Variants in SRRT observed in about 807,000 individuals in gnomAD.
The protein encoded by SRRT is serrate, RNA effector molecule, also known as serrate RNA effector molecule homolog.
A neutral mutation model predicts 103.2 loss-of-function variants in SRRT; 32 were observed. That is an observed-to-expected ratio of 0.31 (90% CI 0.23 to 0.42). SRRT has a LOEUF of 0.42. Among genes scored for constraint, SRRT ranks in the 10% least tolerant of loss-of-function variants. The pLI, the probability that SRRT is intolerant of heterozygous loss-of-function variation, is 1.00. For missense variants in SRRT, 986 were observed against 1,207.5 expected, an observed-to-expected ratio of 0.82 and a Z score of 2.72; for synonymous variants, 525 against 449.0, an observed-to-expected ratio of 1.17 and a Z score of -2.14.
chr7:100,880,395 C>T (rs531322242), intron 2 of SRRT, among the ~76,000 whole-genome samples: 2 of 152,102 alleles, frequency 1.3e-5, no homozygotes, highest in African/African-American at 2.4e-5. Context: ...CTCCGCCTCC[C>T]GGGTCCACGC....
intron 13 of SRRT, 91 bp downstream of exon 13, chr7:100,886,526 C>T: frequency 7.4e-7 from 1 of 1,350,338 alleles, no homozygotes; most frequent in East Asian, 2.5e-5. Context: ...AGCCTTGAAC[C>T]CTTGCACCCA....
chr7:100,875,947 ACT>A (rs2115686357), intron 2 of SRRT: 1 of 487,186 alleles, frequency 2.1e-6, no homozygotes, highest in Admixed American at 3.3e-5. Flanking sequence ...ATGAAGAAGC[ACT>A]GTTTATACAT....
chr7:100,876,643 TG>T (rs1348335234), intron 2 of SRRT, among the ~76,000 whole-genome samples: 2 of 152,252 alleles, frequency 1.3e-5, no homozygotes, highest in South Asian at 2.1e-4. Context: ...CATAGGGCGG[TG>T]CTGATTGGAT....
chr7:100,879,018 G>A (rs1407036015), intron 2 of SRRT, among the ~76,000 whole-genome samples: 1 of 151,480 alleles, frequency 6.6e-6, no homozygotes, highest in East Asian at 1.9e-4. Context: ...ATAGTGGCGT[G>A]ATCTGGGCTC....
Position 100,881,333 on chromosome 7 carries a change from C to T in SRRT, c.171C>T (p.Asp57=). 6.2e-7 allele frequency: 1 copy of T among 1,613,756 alleles called. No homozygotes were observed. The highest frequency in any genetic ancestry group is 2.2e-5 in the East Asian group (1 of 44,858). ...GCCGTAGTCGGGGTGAATATCGGGA[C>T]TATGACCGGAATCGGCGAGAGCGCT... is the stretch of plus-strand genomic sequence containing the variant. ...RERRSRGEYR[D]YDRNRRERFS... Residue 57 remains aspartate (D), a synonymous_variant, in exon 3 of 20, where the codon GAC becomes GAT. Coordinates refer to ENST00000611405, the MANE Select transcript of SRRT (RefSeq NM_015908.6).
intron 4 of SRRT, 97 bp downstream of exon 4, chr7:100,881,902 CAG>C: frequency 6.7e-7 from 1 of 1,488,478 alleles, no homozygotes; most frequent in East Asian, 2.3e-5. Context: ...GTCAGGCACA[CAG>C]AGGCATGTCC....
At position 100,881,716 on chromosome 7, in the gene SRRT, G is replaced by A. The variant is rs201842398; in HGVS notation, c.309G>A (p.Gly103=). 6 of 1,614,070 alleles carry A rather than the reference G, an allele frequency of 3.7e-6. No homozygotes were observed. Among genetic ancestry groups the A allele is most frequent in the Middle Eastern group, 1.6e-4 (1 of 6,062 alleles). Residue 103 remains glycine, a synonymous_variant, in exon 4 of 20, where the codon GGG becomes GGA. Transcript: ENST00000611405. ...GCTATGAGATGCCCTATGCTGGGGG[G>A]GGTGGGGGCCCAACTTATGGCCCCC... ...HSGYEMPYAG[G]GGGPTYGPPQ...
intron 2 of SRRT, among the ~76,000 whole-genome samples, chr7:100,877,375 C>T (rs1208655330): frequency 7.9e-6 from 1 of 126,886 alleles, no homozygotes; most frequent in African/African-American, 3.0e-5. Flanking sequence ...GAGCTGAGAT[C>T]ACACCCCTGC....
Position 100,885,416 on chromosome 7 carries a change from G to C in SRRT, c.1317+46G>C. 6.3e-7 allele frequency: 1 copy of C among 1,581,148 alleles called. No homozygotes were observed. The highest frequency in any genetic ancestry group is 8.6e-7 in the Non-Finnish European group (1 of 1,159,122). On this transcript the variant is annotated intron_variant, in intron 10 of 19. Transcript: ENST00000611405. The surrounding 1 kb of genome is among the most constrained non-coding windows in gnomAD (Gnocchi z 4.8). ...TCAGGGCAGGGCTGATGGAGAAGTG[G>C]AGGGTAGAGGGAAGGCAGTGGGGCC...
Position 100,887,661 on chromosome 7 carries a change from C to A in SRRT, c.2170-42C>A. The A allele has an allele frequency of 1.3e-6, 2 of 1,590,904 alleles. No individual in the cohort carries two copies. The highest frequency in any genetic ancestry group is 1.7e-6 in the Non-Finnish European group (2 of 1,163,538). On this transcript the variant is annotated intron_variant, in intron 16 of 19. Transcript: ENST00000611405. The surrounding 1 kb of genome is among the most constrained non-coding windows in gnomAD (Gnocchi z 4.1). ...CAGCTCGGGCCTGGGAGCGAGGCAA[C>A]CCTTATGTGGCTGTCCTGACCCCTC... is the stretch of plus-strand genomic sequence containing the variant.
In SRRT at chr7:100,885,980, A is replaced by G; in HGVS notation, c.1458+39A>G. The G allele has an allele frequency of 6.2e-7, 1 of 1,602,406 alleles. No individual in the cohort carries two copies. The highest frequency in any genetic ancestry group is 8.5e-7 in the Non-Finnish European group (1 of 1,170,328). On this transcript the variant is annotated intron_variant, in intron 12 of 19. Coordinates refer to ENST00000611405, the MANE Select transcript of SRRT (RefSeq NM_015908.6). This position sits in a 1 kb window ranked among gnomAD's most constrained non-coding sequence, Gnocchi z 4.8. ...GTGGGACTGTGGGGAAGAGGAAGGGAGACTCTGTGCCACACGGGACCTCTG... is the reference window on the plus strand; with the variant it reads ...GTGGGACTGTGGGGAAGAGGAAGGGGGACTCTGTGCCACACGGGACCTCTG...
At position 100,882,165 on chromosome 7, in the gene SRRT, C is replaced by T. The variant is rs1401412210; in HGVS notation, c.511C>T (p.Arg171Cys). 5.6e-6 allele frequency: 9 copies of T among 1,614,028 alleles called. No individual in the cohort carries two copies. Among genetic ancestry groups the T allele is most frequent in the South Asian group, 2.2e-5 (2 of 91,092 alleles). Residue 171 changes from arginine (R) to cysteine (C), a missense_variant, in exon 5 of 20, where the codon CGC becomes TGC. Transcript: ENST00000611405. This position sits in a 1 kb window ranked among gnomAD's most constrained non-coding sequence, Gnocchi z 4.2. The part of the protein sequence containing the change: ...DSVDETEAVK[R>C]YNDYKLDFRR... ...GGTGGATGAGACGGAGGCCGTCAAG[C>T]GCTATAATGACTACAAGCTGGATTT... is the stretch of plus-strand genomic sequence containing the variant.
chr7:100,888,661 A>AG lies in SRRT; in HGVS notation c.*115dup, dbSNP rs761994475. On this transcript the variant is annotated 3_prime_UTR_variant, in exon 20 of 20. Coordinates refer to ENST00000611405, the MANE Select transcript of SRRT (RefSeq NM_015908.6). ...TTACTGCTAATAAAAGCACTTCCAC[A>AG]GGGCTCCTGACTCTCGTGTGTTACA... 1 of 1,478,192 alleles carries AG rather than the reference A, an allele frequency of 6.8e-7. No individual in the cohort carries two copies. The highest frequency in any genetic ancestry group is 2.3e-5 in the East Asian group (1 of 44,080). The allele number at this position is 1,478,192 out of a possible 1,614,324, so 91.6% of individuals were successfully genotyped here. A position where few individuals can be genotyped will look rare whatever the true frequency, so the allele number is the denominator to read the frequency against.
chr7:100,882,255 C>T lies in SRRT; in HGVS notation c.587+14C>T. On this transcript the variant is annotated intron_variant, in intron 5 of 19. Transcript: ENST00000611405. This position sits in a 1 kb window ranked among gnomAD's most constrained non-coding sequence, Gnocchi z 4.2. The stretch of plus-strand genomic sequence containing the variant: ...AGATGAGGAGTGGTGAGTGCCCCTA[C>T]TTCCCTGGACCTCTGCCCTGGCATG... 7 of 1,611,902 alleles carry T rather than the reference C, an allele frequency of 4.3e-6. No homozygotes were observed. The highest frequency in any genetic ancestry group is 5.9e-6 in the Non-Finnish European group (7 of 1,178,586).
In SRRT at chr7:100,885,230, A is replaced by G. The variant is rs1443829840; in HGVS notation, c.1177A>G (p.Lys393Glu). Residue 393 changes from lysine to glutamate, a missense_variant, in exon 10 of 20, where the codon AAG (lysine) becomes GAG (glutamate). Physicochemically the swap from Lys to Glu is moderately conservative, Grantham distance 56. Around this residue, in one of 6 missense-constraint regions of SRRT, gnomAD observed 349 missense variants for 446.9 expected, o/e 0.78. Coordinates refer to ENST00000611405, the MANE Select transcript of SRRT (RefSeq NM_015908.6). This position sits in a 1 kb window ranked among gnomAD's most constrained non-coding sequence, Gnocchi z 4.8. ...CTGCCTAGAAGAAGCGCTCAAGGAG[A>G]AGGAGAAGCCCAAGGAAGAAGAATG... Reference protein sequence around the residue: ...KEEAEEALKEKEKPKEEEWEK... With the variant: ...KEEAEEALKEEEKPKEEEWEK... 4.3e-6 allele frequency: 7 copies of G among 1,613,942 alleles called. No individual in the cohort carries two copies. Among genetic ancestry groups the G allele is most frequent in the Non-Finnish European group, 4.2e-6 (5 of 1,179,948 alleles).
In SRRT at chr7:100,885,688, C is replaced by G. The variant is rs755728539; in HGVS notation, c.1318-13C>G. ...CTTGAGTCACTGTGGGGCTGCTTTT[C>G]TGCTTCTTGCAGCTTTGTAAAAGGT... On this transcript the variant is annotated splice_polypyrimidine_tract_variant and intron_variant, in intron 10 of 19. Coordinates refer to ENST00000611405, the MANE Select transcript of SRRT (RefSeq NM_015908.6). The surrounding 1 kb of genome is among the most constrained non-coding windows in gnomAD (Gnocchi z 4.8). The G allele has an allele frequency of 2.1e-5, 34 of 1,603,610 alleles. No homozygotes were observed. The highest frequency in any genetic ancestry group is 2.8e-5 in the Non-Finnish European group (33 of 1,174,442).
At position 100,885,550 on chromosome 7, in the gene SRRT, G is replaced by T; in HGVS notation, c.1318-151G>T. The T allele has an allele frequency of 9.2e-7, 1 of 1,081,352 alleles. No homozygotes were observed. Among genetic ancestry groups the T allele is most frequent in the Non-Finnish European group, 1.3e-6 (1 of 743,582 alleles). The allele number at this position is 1,081,352 out of a possible 1,614,324, so 67.0% of individuals were successfully genotyped here. ...GCGCCATTGGCTTTCAGGTGCTGGT[G>T]TTCTGAAGCCCTTTAGTGGTTTTTC... On this transcript the variant is annotated intron_variant, in intron 10 of 19. Transcript: ENST00000611405. The surrounding 1 kb of genome is among the most constrained non-coding windows in gnomAD (Gnocchi z 4.8).
At chr7:100,881,249 T>A in intron 2 of SRRT, 36 bp from the exon 3 acceptor site, 1 of 1,594,576 alleles carries the variant, frequency 6.3e-7, no homozygotes, top group South Asian at 1.1e-5. Flanking sequence ...CCACTGTGCC[T>A]GGCCTTTAAT....
Position 100,884,901 on chromosome 7 carries a change from C to T in SRRT, c.1042-22C>T, listed in dbSNP as rs756357710. 4.3e-6 allele frequency: 7 copies of T among 1,613,740 alleles called. No homozygotes were observed. The South Asian group carries it at 6.6e-5, about 15-fold the overall frequency. On this transcript the variant is annotated intron_variant, in intron 8 of 19. Transcript: ENST00000611405. ...TGGGGTTCTGGCACGCTGACTTGTC[C>T]CCTCTGCTGTGGCTCACACAGAGTA...
Sources: allele counts gnomAD v4.1 joint callset (sites outside exome capture counted in the v4.1 genomes callset), GRCh38; gene constraint gnomAD v4.1.1; regional missense constraint gnomAD v4.1.1; non-coding constraint Gnocchi (gnomAD v3.1); transcripts MANE v1.5; gene names NCBI Gene and HGNC (gene_info 2026-07-23, HGNC 2026-07-21).